The following ACYP1 variants were observed in gnomAD, a reference collection of about 807,000 sequenced individuals.
The protein encoded by ACYP1 is acylphosphatase 1, also known as acylphosphatase-1.
ACYP1 carries 8 observed loss-of-function variants against 10.4 expected under a neutral mutation model. The ratio of observed to expected loss-of-function variants is 0.77; its 90% CI spans 0.45 to 1.38. The LOEUF (loss-of-function observed/expected upper bound fraction) is 1.38. Ranked by LOEUF, ACYP1 falls within the 40% of genes most tolerant of loss-of-function variation. The pLI is 0.00. For missense variants in ACYP1, 93 were observed against 117.3 expected (o/e 0.79, Z 0.96); for synonymous variants, 38 against 40.8 (o/e 0.93, Z 0.26).
upstream of ACYP1, among the ~76,000 whole-genome samples, chr14:75,065,785 G>C (rs1223074389): frequency 6.6e-6 from 1 of 152,220 alleles, no homozygotes; most frequent in East Asian, 1.9e-4. Flanking sequence ...AATTAATTCT[G>C]ATTGGGAAGA....
chr14:75,061,825 G>A (rs1446092204), intron 2 of ACYP1: 4 of 1,271,400 alleles, frequency 3.1e-6, no homozygotes, highest in Non-Finnish European at 4.4e-6. Context: ...GTATTGGCCG[G>A]GCACAGTGGC....
chr14:75,062,101 CAAAAAAAAAAA>C (rs35401825), intron 2 of ACYP1, among the ~76,000 whole-genome samples: 2 of 59,744 alleles, frequency 3.3e-5, no homozygotes, highest in African/African-American at 1.7e-4. Context: ...AACTCTGTCT[CAAAAAAAAAAA>C]AAAAAAAAAA....
At chr14:75,062,525 TG>T (rs1439486880) in intron 2 of ACYP1, among the ~76,000 whole-genome samples, 1 of 151,780 alleles carries the variant, frequency 6.6e-6, no homozygotes, top group Non-Finnish European at 1.5e-5. Flanking sequence ...TAAGAAGTTC[TG>T]CAGTCCTGGC....
chr14:75,053,421 T>C lies in ACYP1; in HGVS notation c.*23A>G. ...TAAAAACCAAACCACTGAGTTTATC[T>C]TAGAAAACTTAAATTCAGGCCATTA... On this transcript the variant is annotated 3_prime_UTR_variant, in exon 3 of 3. Transcript: ENST00000238618. 1 of 1,603,550 alleles carries C rather than the reference T, an allele frequency of 6.2e-7. No individual in the cohort carries two copies. The highest frequency in any genetic ancestry group is 8.5e-7 in the Non-Finnish European group (1 of 1,170,636).
intron 2 of ACYP1, among the ~76,000 whole-genome samples, chr14:75,057,690 C>A (rs947603504): frequency 6.6e-6 from 1 of 151,200 alleles, no homozygotes; most frequent in Non-Finnish European, 1.5e-5. Flanking sequence ...ACCTGAGGAC[C>A]AGGCGTGGTA....
rs769312151 is a variant in ACYP1, at chr14:75,057,964, C to CAAAAAAAAAA, written c.85-4315_85-4306dup. Among the ~76,000 whole-genome samples the CAAAAAAAAAA allele has an allele frequency of 8.0e-4, 31 of 38,802 alleles. 2 individuals are homozygous for CAAAAAAAAAA. The highest frequency in any genetic ancestry group is 1.3e-3 in the African/African-American group (12 of 9,294). The allele number at this position is 38,802 out of a possible 152,430, so 25.5% of individuals were successfully genotyped here. A position where few individuals can be genotyped will look rare whatever the true frequency, so the allele number is the denominator to read the frequency against. ...TAGGCAACAGAGCAAGACTCTGTCT[C>CAAAAAAAAAA]AAAAAAAAAAAAAAAAAAAAAAAAG... On this transcript the variant is annotated intron_variant, in intron 2 of 2. Coordinates refer to ENST00000238618, the MANE Select transcript of ACYP1 (RefSeq NM_001107.5).
chr14:75,061,893 G>C (rs973387791), intron 2 of ACYP1: 4 of 498,416 alleles, frequency 8.0e-6, no homozygotes, highest in Admixed American at 3.4e-5. Context: ...CCTGAGGTTG[G>C]GAGTTCAAGA....
intron 2 of ACYP1, among the ~76,000 whole-genome samples, chr14:75,057,987 A>AAAAAAAAC (rs1304812247): frequency 1.5e-4 from 22 of 147,678 alleles, no homozygotes; most frequent in Non-Finnish European, 3.1e-4. Flanking sequence ...AAAAAAAAAA[A>AAAAAAAAC]AGAACTACCT....
chr14:75,061,566 G>A (rs1318734808), intron 2 of ACYP1: 1 of 490,926 alleles, frequency 2.0e-6, no homozygotes, highest in African/African-American at 2.0e-5. Context: ...TTAAACTGGG[G>A]AGAGGGGCAG....
intron 1 of ACYP1, 147 bp downstream of exon 1, chr14:75,063,807 G>A: frequency 1.4e-6 from 1 of 714,854 alleles, no homozygotes; most frequent in Non-Finnish European, 2.1e-6. Context: ...GAAATAACCT[G>A]AGGACCGATG....
At chr14:75,060,284 C>T (rs1210608504) in intron 2 of ACYP1, 1 of 686,362 alleles carries the variant, frequency 1.5e-6, no homozygotes, top group East Asian at 2.7e-5. Flanking sequence ...CAAACAACCA[C>T]AATGAAATAT....
At chr14:75,061,583 A>G in intron 2 of ACYP1, 1 of 614,818 alleles carries the variant, frequency 1.6e-6, no homozygotes, top group Non-Finnish European at 2.6e-6. Context: ...GCAGGTAGAG[A>G]AAGATGGGCT....
At chr14:75,057,238 C>T (rs1267779842) in intron 2 of ACYP1, among the ~76,000 whole-genome samples, 1 of 151,434 alleles carries the variant, frequency 6.6e-6, no homozygotes, top group Non-Finnish European at 1.5e-5. Flanking sequence ...AATTAGGAAA[C>T]AATTCCATTT....
chr14:75,054,296 A>G (rs1892822507), intron 2 of ACYP1, among the ~76,000 whole-genome samples: 1 of 146,106 alleles, frequency 6.8e-6, no homozygotes, highest in South Asian at 2.3e-4. Flanking sequence ...CAGCCTCTCA[A>G]CAGCAAACCA....
intron 1 of ACYP1, 69 bp downstream of exon 1, chr14:75,063,885 T>G: frequency 1.0e-6 from 1 of 994,974 alleles, no homozygotes. Flanking sequence ...ACTCCCAGAA[T>G]CCCCTGCTAC....
chr14:75,060,243 C>T, intron 2 of ACYP1: 4 of 687,438 alleles, frequency 5.8e-6, no homozygotes, highest in East Asian at 2.7e-5. Flanking sequence ...GATTTAAATC[C>T]TTTTAAATTC....
upstream of ACYP1, among the ~76,000 whole-genome samples, chr14:75,068,085 T>G (rs891677494): frequency 6.1e-5 from 9 of 148,430 alleles, no homozygotes; most frequent in African/African-American, 2.2e-4. Context: ...GGGTCAGGAG[T>G]TCAAGACCAG....
intron 2 of ACYP1, chr14:75,063,263 G>A (rs1012490086): frequency 5.0e-5 from 28 of 558,268 alleles, no homozygotes; most frequent in African/African-American, 4.3e-4. Flanking sequence ...AGGCACCACT[G>A]ACTAATAATA....
intron 2 of ACYP1, among the ~76,000 whole-genome samples, chr14:75,055,458 T>C (rs1252656692): frequency 1.3e-5 from 2 of 151,358 alleles, no homozygotes; most frequent in Non-Finnish European, 2.9e-5. Context: ...CGTTTCCTAC[T>C]GGTTTCATTT....
Sources: allele counts gnomAD v4.1 joint callset (sites outside exome capture counted in the v4.1 genomes callset), GRCh38; gene constraint gnomAD v4.1.1; transcripts MANE v1.5; gene names NCBI Gene and HGNC (gene_info 2026-07-23, HGNC 2026-07-21).